The following ADARB2 variants were observed in gnomAD, a reference collection of about 807,000 sequenced individuals.
The protein encoded by ADARB2 is adenosine deaminase RNA specific B2 (inactive), also known as inactive double-stranded RNA-specific editase B2.
In ADARB2, 25 loss-of-function variants were observed where a neutral mutation model predicts 62.2. The observed-to-expected ratio is 0.40, with a 90% confidence interval of 0.29 to 0.56. ADARB2 has a LOEUF of 0.56. ADARB2 is among the 20% of genes least tolerant of loss of function. ADARB2 has a pLI of 0.43. For synonymous variants in ADARB2, 572 were observed against 500.8 expected (o/e 1.14, Z -1.90); for missense variants, 1,071 against 1,077.4 (o/e 0.99, Z 0.08).
At chr10:1,619,144 C>T (rs558166437) in intron 1 of ADARB2, among the ~76,000 whole-genome samples, 1 of 152,088 alleles carries the variant, frequency 6.6e-6, no homozygotes, top group Admixed American at 6.5e-5. Flanking sequence ...TAAATCCAGC[C>T]ATATCATTAG....
At chr10:1,631,181 T>C (rs1022344009) in intron 1 of ADARB2, among the ~76,000 whole-genome samples, 7 of 151,964 alleles carry the variant, frequency 4.6e-5, no homozygotes, top group Admixed American at 4.6e-4. Context: ...TGCCTCCACG[T>C]GGGGTCCCGA....
At chr10:1,231,978 A>G (rs1343788040) in intron 6 of ADARB2, among the ~76,000 whole-genome samples, 1 of 152,182 alleles carries the variant, frequency 6.6e-6, no homozygotes, top group Non-Finnish European at 1.5e-5. Context: ...GGCATAACAA[A>G]AATGCTTAAT....
intron 6 of ADARB2, among the ~76,000 whole-genome samples, chr10:1,218,240 G>A (rs1177209651): frequency 1.3e-5 from 2 of 152,016 alleles, no homozygotes; most frequent in Non-Finnish European, 2.9e-5. Context: ...CAGTAGAGAT[G>A]GGGTTTCGCC....
chr10:1,216,599 G>A, intron 7 of ADARB2: 1 of 281,202 alleles, frequency 3.6e-6, no homozygotes. Context: ...GGAGGCCCTG[G>A]CTTCTCGTTA....
At chr10:1,663,330 G>A (rs944086234) in intron 1 of ADARB2, among the ~76,000 whole-genome samples, 50 of 152,240 alleles carry the variant, frequency 3.3e-4, no homozygotes, top group African/African-American at 1.0e-3. Flanking sequence ...GTTACTCTGC[G>A]TGGTGCGGCT....
intron 1 of ADARB2, among the ~76,000 whole-genome samples, chr10:1,516,936 C>T (rs910765847): frequency 6.6e-6 from 1 of 152,168 alleles, no homozygotes; most frequent in African/African-American, 2.4e-5. Context: ...TTTTAGGAGT[C>T]ATTATTCATC....
At chr10:1,350,765 GC>G (rs1832128853) in intron 3 of ADARB2, among the ~76,000 whole-genome samples, 1 of 151,888 alleles carries the variant, frequency 6.6e-6, no homozygotes, top group Non-Finnish European at 1.5e-5. Flanking sequence ...TACCCAATCC[GC>G]TCCCGACATT....
At chr10:1,647,736 G>A (rs188623597) in intron 1 of ADARB2, among the ~76,000 whole-genome samples, 1 of 151,920 alleles carries the variant, frequency 6.6e-6, no homozygotes, top group Admixed American at 6.6e-5. Context: ...ATGCATATGT[G>A]TATATATGTA....
chr10:1,407,636 C>T (rs575664720), intron 1 of ADARB2, among the ~76,000 whole-genome samples: 1 of 152,282 alleles, frequency 6.6e-6, no homozygotes, highest in African/African-American at 2.4e-5. Flanking sequence ...TAGTCCTAGC[C>T]CAGCACTGGC....
intron 1 of ADARB2, among the ~76,000 whole-genome samples, chr10:1,420,779 T>C (rs1008119503): frequency 6.6e-6 from 1 of 152,076 alleles, no homozygotes; most frequent in African/African-American, 2.4e-5. Flanking sequence ...AGGACCACAT[T>C]GATTAACGCC....
intron 2 of ADARB2, among the ~76,000 whole-genome samples, chr10:1,377,953 C>T (rs1832449040): frequency 6.6e-6 from 1 of 152,194 alleles, no homozygotes; most frequent in African/African-American, 2.4e-5. Flanking sequence ...TTGCAGACCC[C>T]TCCCACTGCC....
At chr10:1,387,069 G>C (rs1832531396) in intron 1 of ADARB2, among the ~76,000 whole-genome samples, 1 of 151,864 alleles carries the variant, frequency 6.6e-6, no homozygotes, top group African/African-American at 2.4e-5. Flanking sequence ...TATTCTCAGT[G>C]ATAATGAAAG....
At chr10:1,365,307 A>G (rs1832304852) in intron 2 of ADARB2, among the ~76,000 whole-genome samples, 1 of 152,116 alleles carries the variant, frequency 6.6e-6, no homozygotes, top group Non-Finnish European at 1.5e-5. Flanking sequence ...TAAGACGGCA[A>G]ACTTAGGAAC....
chr10:1,510,951 C>T (rs1008301977), intron 1 of ADARB2, among the ~76,000 whole-genome samples: 1 of 152,198 alleles, frequency 6.6e-6, no homozygotes, highest in Non-Finnish European at 1.5e-5. Context: ...CCTTCTGGCT[C>T]GAGTGATCCT....
At chr10:1,473,155 G>A (rs1831349084) in intron 1 of ADARB2, among the ~76,000 whole-genome samples, 1 of 152,048 alleles carries the variant, frequency 6.6e-6, no homozygotes, top group East Asian at 1.9e-4. Context: ...GAAGAGGCTT[G>A]GGCCTCTTCC....
intron 1 of ADARB2, among the ~76,000 whole-genome samples, chr10:1,501,785 G>A (rs764796279): frequency 6.6e-6 from 1 of 152,172 alleles, no homozygotes; most frequent in Non-Finnish European, 1.5e-5. Context: ...GGGCATTTCA[G>A]GAGGATTAGA....
Position 1,679,903 on chromosome 10 carries a change from G to A in ADARB2, c.100+57148C>T, listed in dbSNP as rs377218504. 2.3e-4 allele frequency among the ~76,000 whole-genome samples: 35 copies of A among 152,202 alleles called. No individual in the cohort carries two copies. In the South Asian group the frequency reaches 4.4e-3, roughly 19 times the overall value. On this transcript the variant is annotated intron_variant, in intron 1 of 9. Coordinates refer to ENST00000381312, the MANE Select transcript of ADARB2 (RefSeq NM_018702.4). ...AACATTGCTGACATTCCTTTGGCACGCTGCACTTTCTCCCCCTTAGAAATG... is the reference window on the plus strand; with the variant it reads ...AACATTGCTGACATTCCTTTGGCACACTGCACTTTCTCCCCCTTAGAAATG...
chr10:1,415,152 G>C (rs936538873), intron 1 of ADARB2, among the ~76,000 whole-genome samples: 3 of 151,726 alleles, frequency 2.0e-5, no homozygotes, highest in Non-Finnish European at 4.4e-5. Flanking sequence ...ATGTATGGTG[G>C]ATGGATATAA....
At chr10:1,329,250 C>T (rs1040656654) in intron 3 of ADARB2, among the ~76,000 whole-genome samples, 1 of 152,158 alleles carries the variant, frequency 6.6e-6, no homozygotes, top group Admixed American at 6.5e-5. Flanking sequence ...AATTGTCAGA[C>T]TATTTCTAAA....
Sources: gnomAD v4.1 joint callset for allele counts (sites outside exome capture counted in the v4.1 genomes callset) on GRCh38, gnomAD v4.1.1 for gene constraint, MANE v1.5 for transcripts, NCBI Gene and HGNC (gene_info 2026-07-23, HGNC 2026-07-21) for gene names.